The following GAD1 variants were observed in gnomAD, a reference collection of about 807,000 sequenced individuals.
GAD1 encodes glutamate decarboxylase 1.
A neutral mutation model predicts 75.2 loss-of-function variants in GAD1; 35 were observed. The observed-to-expected ratio is 0.47, with a 90% CI of 0.36 to 0.62. GAD1 has a LOEUF of 0.62. GAD1 is among the 20% of genes least tolerant of loss of function. The pLI is 0.00. For missense variants in GAD1, 490 were observed against 758.5 expected, an observed-to-expected ratio of 0.65 and a Z score of 4.16; for synonymous variants, 257 against 271.9, an observed-to-expected ratio of 0.95 and a Z score of 0.54.
chr2:170,832,911 C>A (rs3791860), intron 5 of GAD1, among the ~76,000 whole-genome samples: 1 of 152,044 alleles, frequency 6.6e-6, no homozygotes, highest in Non-Finnish European at 1.5e-5. Flanking sequence ...TGCTTAGAAA[C>A]AGCTCAGACT....
At chr2:170,829,907 G>T (rs1163141311) in intron 4 of GAD1, 3 of 448,668 alleles carry the variant, frequency 6.7e-6, no homozygotes, top group Non-Finnish European at 1.2e-5. Context: ...TAGACTCTCA[G>T]AGTCAAAGGA....
chr2:170,844,615 A>C (rs1035656530), intron 7 of GAD1, among the ~76,000 whole-genome samples: 45 of 152,034 alleles, frequency 3.0e-4, no homozygotes, highest in Non-Finnish European at 7.4e-5. Flanking sequence ...TCACTATTAA[A>C]CAACTCCATT....
Position 170,853,881 on chromosome 2 carries a change from C to T in GAD1, c.1272C>T (p.Leu424=). Residue 424 remains leucine, a synonymous_variant, in exon 14 of 17, where the codon CTC becomes CTT. Transcript: ENST00000358196. This position sits in a 1 kb window ranked among gnomAD's most constrained non-coding sequence, Gnocchi z 4.1. ...CTTAATTTCCATGATAGGGTATACTCCAAGGATGCAACCAGATGTGTGCAG... is the reference window on the plus strand; with the variant it reads ...CTTAATTTCCATGATAGGGTATACTTCAAGGATGCAACCAGATGTGTGCAG... ...SAILVKEKGI[L]QGCNQMCAGY... is the part of the protein sequence containing the mutation. The T allele has an allele frequency of 6.2e-7, 1 of 1,614,108 alleles. No homozygotes were observed. The highest frequency in any genetic ancestry group is 8.5e-7 in the Non-Finnish European group (1 of 1,180,016).
intron 6 of GAD1, chr2:170,842,502 T>C: frequency 7.2e-7 from 1 of 1,382,676 alleles, no homozygotes; most frequent in African/African-American, 1.4e-5. Flanking sequence ...CATCATGAGT[T>C]TGCCTCTTGG....
chr2:170,853,821 CCA>C lies in GAD1; in HGVS notation c.1264-49_1264-48del. On this transcript the variant is annotated intron_variant, in intron 13 of 16. Transcript: ENST00000358196. This position sits in a 1 kb window ranked among gnomAD's most constrained non-coding sequence, Gnocchi z 4.1. Reference sequence around the variant, plus strand: ...CCAAGCAGCCTAGTTTTAAAGCCACCCACATCTCTGATGTGTAAATGCAGATG... The same window carrying C: ...CCAAGCAGCCTAGTTTTAAAGCCACCCATCTCTGATGTGTAAATGCAGATG... 1.3e-6 allele frequency: 2 copies of C among 1,595,362 alleles called. No individual in the cohort carries two copies. Among genetic ancestry groups the C allele is most frequent in the Non-Finnish European group, 1.7e-6 (2 of 1,163,240 alleles).
intron 5 of GAD1, among the ~76,000 whole-genome samples, chr2:170,833,249 G>C (rs1468254189): frequency 1.3e-5 from 2 of 152,198 alleles, no homozygotes; most frequent in African/African-American, 4.8e-5. Context: ...TAATGATGCT[G>C]GCCAAAGATG....
Position 170,853,019 on chromosome 2 carries a change from C to T in GAD1, c.1263+227C>T. ...TCTTTGATCAGTACTCAGGGTCTGT[C>T]AGCAACTGAACCTTTAAGGAAATTA... On this transcript the variant is annotated intron_variant, in intron 13 of 16. Coordinates refer to ENST00000358196, the MANE Select transcript of GAD1 (RefSeq NM_000817.3). This position sits in a 1 kb window ranked among gnomAD's most constrained non-coding sequence, Gnocchi z 4.1. 1.7e-6 allele frequency: 1 copy of T among 596,468 alleles called. No homozygotes were observed. Among genetic ancestry groups the T allele is most frequent in the Non-Finnish European group, 3.0e-6 (1 of 334,550 alleles). The allele number at this position is 596,468 out of a possible 1,614,324, so 36.9% of individuals were successfully genotyped here.
Position 170,822,079 on chromosome 2 carries a change from C to G in GAD1, c.83-8C>G. 1.9e-6 allele frequency: 3 copies of G among 1,605,854 alleles called. No individual in the cohort carries two copies. Among genetic ancestry groups the G allele is most frequent in the Non-Finnish European group, 2.5e-6 (3 of 1,176,486 alleles). On this transcript the variant is annotated splice_polypyrimidine_tract_variant and splice_region_variant and intron_variant, in intron 2 of 16. Transcript: ENST00000358196. The stretch of plus-strand genomic sequence containing the variant: ...TAACCGAACCTCTCTCCCTCTCTCT[C>G]GTCCTAGCGTACGATACCTGGTGCG...
chr2:170,822,406 C>T (rs555641128), intron 3 of GAD1, among the ~76,000 whole-genome samples: 35 of 152,246 alleles, frequency 2.3e-4, no homozygotes, highest in Non-Finnish European at 4.3e-4. Context: ...ACGCCGGGTG[C>T]CCTGCCTGGG....
rs775421643 is a variant in GAD1 at position 170,818,543 on chromosome 2, G to C, written c.-49G>C. 1 of 1,539,078 alleles carries C rather than the reference G, an allele frequency of 6.5e-7. No homozygotes were observed. Among genetic ancestry groups the C allele is most frequent in the African/African-American group, 1.4e-5 (1 of 73,498 alleles). Reference sequence around the variant, plus strand: ...TCTCTTTGCAGCCTGTTTCTGCGCCGGACCAGTCGAGGACTCTGGACAGTA... The same window carrying C: ...TCTCTTTGCAGCCTGTTTCTGCGCCCGACCAGTCGAGGACTCTGGACAGTA... On this transcript the variant is annotated 5_prime_UTR_variant, in exon 2 of 17. Coordinates refer to ENST00000358196, the MANE Select transcript of GAD1 (RefSeq NM_000817.3). The surrounding 1 kb of genome is among the most constrained non-coding windows in gnomAD (Gnocchi z 5.9).
At chr2:170,839,804 C>A (rs1490081459) in intron 6 of GAD1, among the ~76,000 whole-genome samples, 2 of 152,212 alleles carry the variant, frequency 1.3e-5, no homozygotes, top group South Asian at 2.1e-4. Context: ...GCAGGTAGGG[C>A]CCGAGTGTAA....
chr2:170,839,825 G>C (rs974025200), intron 6 of GAD1, among the ~76,000 whole-genome samples: 5 of 152,154 alleles, frequency 3.3e-5, no homozygotes, highest in African/African-American at 1.2e-4. Context: ...ACAACAGCCT[G>C]CCCTCAAACA....
chr2:170,818,573 C>A lies in GAD1; in HGVS notation c.-19C>A, dbSNP rs746654196. On this transcript the variant is annotated 5_prime_UTR_variant, in exon 2 of 17. Transcript: ENST00000358196. This position sits in a 1 kb window ranked among gnomAD's most constrained non-coding sequence, Gnocchi z 5.9. ...AGTCGAGGACTCTGGACAGTAGAGG[C>A]CCCGGGACGACCGAGCTGATGGCGT... is the stretch of plus-strand genomic sequence containing the variant. 3 of 1,611,964 alleles carry A rather than the reference C, an allele frequency of 1.9e-6. No individual in the cohort carries two copies. Among genetic ancestry groups the A allele is most frequent in the South Asian group, 2.2e-5 (2 of 91,036 alleles).
At chr2:170,858,116 C>T (rs552568344) in intron 15 of GAD1, among the ~76,000 whole-genome samples, 1 of 152,276 alleles carries the variant, frequency 6.6e-6, no homozygotes, top group African/African-American at 2.4e-5. Context: ...ACTTTAAACA[C>T]TCTTAATAGC....
chr2:170,846,094 G>C (rs1166428733), intron 10 of GAD1, 31 bp downstream of exon 10: 1 of 1,560,980 alleles, frequency 6.4e-7, no homozygotes, highest in Admixed American at 1.7e-5. Flanking sequence ...CTGAACTCCA[G>C]TTTTAAAATA....
Position 170,847,783 on chromosome 2 carries a change from G to T in GAD1, c.1110G>T (p.Leu370Phe). The T allele has an allele frequency of 3.1e-6, 5 of 1,609,478 alleles. No individual in the cohort carries two copies. The highest frequency in any genetic ancestry group is 4.3e-6 in the Non-Finnish European group (5 of 1,175,742). ...TATGTGAGAAATATAACCTTTGGTTGCATGTCGATGTAAGTGCTATATAAC... is the reference window on the plus strand; with the variant it reads ...TATGTGAGAAATATAACCTTTGGTTTCATGTCGATGTAAGTGCTATATAAC... ...ADICEKYNLW[L>F]HVDAAWGGGL... The change falls in exon 11 of 17, where the codon TTG becomes TTT. Residue 370 changes from leucine (L) to phenylalanine (F), a missense_variant. Physicochemically the swap from Leu to Phe is conservative, Grantham distance 22 (BLOSUM62 0). Around this residue, in one of 3 missense-constraint regions of GAD1, gnomAD observed 324 missense variants for 523.9 expected, o/e 0.62. Transcript: ENST00000358196.
intron 10 of GAD1, among the ~76,000 whole-genome samples, chr2:170,847,434 G>A (rs1702657047): frequency 6.6e-6 from 1 of 152,072 alleles, no homozygotes; most frequent in Non-Finnish European, 1.5e-5. Flanking sequence ...TGTGCTCACT[G>A]CTGAGTCCCT....
chr2:170,854,502 G>A (rs910656520), intron 14 of GAD1, among the ~76,000 whole-genome samples: 3 of 147,714 alleles, frequency 2.0e-5, no homozygotes, highest in Non-Finnish European at 4.4e-5. Context: ...CCAGGTTCAC[G>A]CCATTCTCCT....
chr2:170,828,989 G>A (rs368809953), intron 3 of GAD1: 1 of 226,550 alleles, frequency 4.4e-6, no homozygotes. Context: ...TCCCTCAGCT[G>A]TCCTCACCTC....
Sources: gnomAD v4.1 joint callset for allele counts (sites outside exome capture counted in the v4.1 genomes callset) on GRCh38, gnomAD v4.1.1 for gene constraint, gnomAD v4.1.1 regional missense constraint, Gnocchi (gnomAD v3.1) non-coding constraint, MANE v1.5 for transcripts, NCBI Gene and HGNC (gene_info 2026-07-23, HGNC 2026-07-21) for gene names.